CHST12: variants seen among roughly 807,000 people sequenced by gnomAD.
The protein encoded by CHST12 is carbohydrate sulfotransferase 12, also known as carbohydrate (chondroitin 4) sulfotransferase 12.
CHST12 carries 23 observed loss-of-function variants against 27.9 expected under a neutral mutation model. The observed-to-expected ratio is 0.82, with a 90% CI of 0.59 to 1.17. CHST12 has a LOEUF of 1.17. Among genes scored for constraint, CHST12 ranks in the 50% most tolerant of loss-of-function variants. The pLI is 0.00. For missense variants in CHST12, 682 were observed against 603.0 expected, an observed-to-expected ratio of 1.13 and a Z score of -1.37; for synonymous variants, 322 against 273.0, an observed-to-expected ratio of 1.18 and a Z score of -1.77.
Position 2,433,224 on chromosome 7 carries a change from C to G in CHST12, c.585C>G (p.Pro195=). The G allele has an allele frequency of 1.2e-6, 2 of 1,612,196 alleles. No homozygotes were observed. Among genetic ancestry groups the G allele is most frequent in the Admixed American group, 1.7e-5 (1 of 59,968 alleles). The change falls in exon 2 of 2, where the codon CCC becomes CCG. Residue 195 remains proline (P), a synonymous_variant. Coordinates refer to ENST00000618655, the MANE Select transcript of CHST12 (RefSeq NM_018641.5). This position sits in a 1 kb window ranked among gnomAD's most constrained non-coding sequence, Gnocchi z 6.1. ...LSGSLLHRGA[P]YRDPLRIPRE... is the part of the protein sequence containing the mutation. ...GAAGCCTGCTGCACCGCGGTGCGCC[C>G]TACCGCGACCCGCTGCGCATCCCGC...
chr7:2,410,668 G>A (rs188985281), intron 1 of CHST12, among the ~76,000 whole-genome samples: 19 of 152,262 alleles, frequency 1.2e-4, no homozygotes, highest in Non-Finnish European at 5.9e-5. Flanking sequence ...TGAAGGAAGC[G>A]TGGGACTGCC....
intron 1 of CHST12, among the ~76,000 whole-genome samples, chr7:2,422,614 C>A (rs1403169755): frequency 6.6e-6 from 1 of 151,902 alleles, no homozygotes; most frequent in Non-Finnish European, 1.5e-5. Flanking sequence ...CAGCTCACTG[C>A]AAACTGCGAC....
rs1274589872 is a variant in CHST12, at chr7:2,433,187, T to C, written c.548T>C (p.Ile183Thr). 1 of 1,612,978 alleles carries C rather than the reference T, an allele frequency of 6.2e-7. No individual in the cohort carries two copies. The highest frequency in any genetic ancestry group is 2.2e-5 in the East Asian group (1 of 44,834). The change falls in exon 2 of 2, where the codon ATC becomes ACC. Residue 183 changes from isoleucine (I) to threonine (T), a missense_variant. Transcript: ENST00000618655. The surrounding 1 kb of genome is among the most constrained non-coding windows in gnomAD (Gnocchi z 6.1). ...VACTNWKRVMIVLSGSLLHRG... is the reference protein window; with the variant it reads ...VACTNWKRVMTVLSGSLLHRG... The stretch of plus-strand genomic sequence containing the variant: ...TGCACCAACTGGAAGCGCGTGATGA[T>C]CGTGCTGAGCGGAAGCCTGCTGCAC...
chr7:2,428,373 T>A (rs965140735), intron 1 of CHST12, among the ~76,000 whole-genome samples: 4 of 152,104 alleles, frequency 2.6e-5, no homozygotes, highest in Non-Finnish European at 2.9e-5. Context: ...TTTTTGTATT[T>A]TTTAGTAGAG....
At chr7:2,416,892 A>G (rs1190630238) in intron 1 of CHST12, among the ~76,000 whole-genome samples, 1 of 152,360 alleles carries the variant, frequency 6.6e-6, no homozygotes, top group East Asian at 1.9e-4. Flanking sequence ...TTCTCCGCAC[A>G]GTAAATCTGC....
Position 2,432,661 on chromosome 7 carries a change from C to G in CHST12, c.22C>G (p.Arg8Gly). 3 of 1,609,850 alleles carry G rather than the reference C, an allele frequency of 1.9e-6. No individual in the cohort carries two copies. The highest frequency in any genetic ancestry group is 1.7e-4 in the Middle Eastern group (1 of 6,048). The change falls in exon 2 of 2, where the codon CGG becomes GGG. Residue 8 changes from arginine (R) to glycine (G), a missense_variant. Physicochemically the swap from Arg to Gly is moderately radical, Grantham distance 125. Coordinates refer to ENST00000618655, the MANE Select transcript of CHST12 (RefSeq NM_018641.5). ...CAGGATGACCAAGGCCCGGCTGTTCCGGCTGTGGCTGGTGCTGGGGTCGGT... is the reference window on the plus strand; with the variant it reads ...CAGGATGACCAAGGCCCGGCTGTTCGGGCTGTGGCTGGTGCTGGGGTCGGT... MTKARLFRLWLVLGSVFM... is the reference protein window; with the variant it reads MTKARLFGLWLVLGSVFM...
rs1782636096 is a variant in CHST12, at chr7:2,442,525, G to GGCCA, written c.*8643_*8644insCAGC. 6.6e-6 allele frequency: 1 copy of GGCCA among 151,832 alleles called. No individual in the cohort carries two copies. The highest frequency in any genetic ancestry group is 2.1e-4 in the South Asian group (1 of 4,804). The allele number at this position is 151,832 out of a possible 1,614,324, so 9.4% of individuals were successfully genotyped here. ...ACTACAGGTGCCCACCACCACGCCT[G>GGCCA]GCTAATTTTTTGTATTTTTAGTAGA... On this transcript the variant is annotated 3_prime_UTR_variant, in exon 2 of 2. Transcript: ENST00000618655.
chr7:2,418,006 A>T (rs1183292489), intron 1 of CHST12, among the ~76,000 whole-genome samples: 1 of 152,254 alleles, frequency 6.6e-6, no homozygotes, highest in Non-Finnish European at 1.5e-5. Context: ...CCAGAGCAGG[A>T]TGGCTGTGGT....
At position 2,448,285 on chromosome 7, in the gene CHST12, C is replaced by T. The variant is rs1428769394; in HGVS notation, c.*14401C>T. ...GTTGTCTCTGCCTCCCCTTGCACCC[C>T]TTGAATGGCGGGCTCCCTCTCCCAT... On this transcript the variant is annotated 3_prime_UTR_variant, in exon 2 of 2. Transcript: ENST00000618655. 1.3e-5 allele frequency: 2 copies of T among 152,418 alleles called. No individual in the cohort carries two copies. Among genetic ancestry groups the T allele is most frequent in the East Asian group, 1.9e-4 (1 of 5,176 alleles). The allele number at this position is 152,418 out of a possible 1,614,324, so 9.4% of individuals were successfully genotyped here.
At chr7:2,416,455 A>T (rs1781811394) in intron 1 of CHST12, among the ~76,000 whole-genome samples, 1 of 152,210 alleles carries the variant, frequency 6.6e-6, no homozygotes, top group Non-Finnish European at 1.5e-5. Context: ...CCAGGTTTTC[A>T]GTTTACTTTG....
At chr7:2,406,365 G>A (rs912797968) in intron 1 of CHST12, among the ~76,000 whole-genome samples, 18 of 148,798 alleles carry the variant, frequency 1.2e-4, no homozygotes, top group Non-Finnish European at 2.2e-4. Context: ...AGTTGAGTAC[G>A]GGGTGGGGGC....
intron 1 of CHST12, among the ~76,000 whole-genome samples, chr7:2,430,651 C>T (rs1782249580): frequency 6.6e-6 from 1 of 151,782 alleles, no homozygotes; most frequent in Non-Finnish European, 1.5e-5. Context: ...ACAGTTTCAC[C>T]ATGTTGGCCA....
intron 1 of CHST12, among the ~76,000 whole-genome samples, chr7:2,409,423 TG>T (rs1280536718): frequency 6.6e-6 from 1 of 152,116 alleles, no homozygotes; most frequent in Non-Finnish European, 1.5e-5. Flanking sequence ...AAGACCAGCC[TG>T]GGCAACATGG....
rs1251003034 is a variant in CHST12, at chr7:2,438,697, C to A, written c.*4813C>A. On this transcript the variant is annotated 3_prime_UTR_variant, in exon 2 of 2. Transcript: ENST00000618655. ...GAGTGTTGGAGTGACTGTTTGCACA[C>A]ATCTGTTGTGTTTTGCCTGTGTGCA... 1 of 152,254 alleles carries A rather than the reference C, an allele frequency of 6.6e-6. No individual in the cohort carries two copies. Among genetic ancestry groups the A allele is most frequent in the African/African-American group, 2.4e-5 (1 of 41,450 alleles). The allele number at this position is 152,254 out of a possible 1,614,324, so 9.4% of individuals were successfully genotyped here. A position where few individuals can be genotyped will look rare whatever the true frequency, so the allele number is the denominator to read the frequency against.
chr7:2,432,010 A>G (rs1379617853), intron 1 of CHST12, among the ~76,000 whole-genome samples: 1 of 151,978 alleles, frequency 6.6e-6, no homozygotes, highest in Non-Finnish European at 1.5e-5. Context: ...TTATTATAGG[A>G]AAAGGATATA....
intron 1 of CHST12, among the ~76,000 whole-genome samples, chr7:2,408,643 G>T (rs1179489555): frequency 6.6e-6 from 1 of 152,154 alleles, no homozygotes. Context: ...TTGCAGCCTG[G>T]AAGTCTACAC....
intron 1 of CHST12, among the ~76,000 whole-genome samples, chr7:2,429,801 C>T (rs1037245808): frequency 1.3e-5 from 2 of 151,934 alleles, no homozygotes; most frequent in Non-Finnish European, 2.9e-5. Flanking sequence ...TCTTTTGAGA[C>T]AGGGTCTTGG....
rs1279977788 is a variant in CHST12, at chr7:2,439,184, A to G, written c.*5300A>G. ...AACTGCATTAATATGTTGGTGTTTG[A>G]TAAACTAGGGTTGAAGGAGTTCCAT... On this transcript the variant is annotated 3_prime_UTR_variant, in exon 2 of 2. Coordinates refer to ENST00000618655, the MANE Select transcript of CHST12 (RefSeq NM_018641.5). The G allele has an allele frequency of 6.6e-6, 1 of 152,154 alleles. No homozygotes were observed. Among genetic ancestry groups the G allele is most frequent in the East Asian group, 1.9e-4 (1 of 5,192 alleles). The allele number at this position is 152,154 out of a possible 1,614,324, so 9.4% of individuals were successfully genotyped here. A position where few individuals can be genotyped will look rare whatever the true frequency, so the allele number is the denominator to read the frequency against.
rs1782429568 is a variant in CHST12 at position 2,434,676 on chromosome 7, A to G, written c.*792A>G. 6.8e-6 allele frequency: 1 copy of G among 147,460 alleles called. No homozygotes were observed. The highest frequency in any genetic ancestry group is 2.5e-5 in the African/African-American group (1 of 39,888). 9.1% of individuals were successfully genotyped at this position (147,460 alleles called of 1,614,324 possible). On this transcript the variant is annotated 3_prime_UTR_variant, in exon 2 of 2. Coordinates refer to ENST00000618655, the MANE Select transcript of CHST12 (RefSeq NM_018641.5). Reference sequence around the variant, plus strand: ...AGCTACTCAGGAGTTCTGAGATGGAAAGATTGCTTGAACCCAGGAGGCAGA... The same window carrying G: ...AGCTACTCAGGAGTTCTGAGATGGAGAGATTGCTTGAACCCAGGAGGCAGA...
Sources: gnomAD v4.1 joint callset for allele counts (sites outside exome capture counted in the v4.1 genomes callset) on GRCh38, gnomAD v4.1.1 for gene constraint, Gnocchi (gnomAD v3.1) non-coding constraint, MANE v1.5 for transcripts, NCBI Gene and HGNC (gene_info 2026-07-23, HGNC 2026-07-21) for gene names.